Variants in ANXA6 observed in about 807,000 individuals in gnomAD.
The protein encoded by ANXA6 is annexin A6, also known as 67 kDa calelectrin.
A neutral mutation model predicts 95.4 loss-of-function variants in ANXA6; 71 were observed. That is an observed-to-expected ratio of 0.74 (90% CI 0.61 to 0.91). ANXA6 has a LOEUF of 0.91. ANXA6 is among the 40% of genes least tolerant of loss of function. ANXA6 has a pLI of 0.00. For synonymous variants in ANXA6, 289 were observed against 315.9 expected (o/e 0.91, Z 0.90); for missense variants, 830 against 876.4 (o/e 0.95, Z 0.67).
In ANXA6 at chr5:151,101,329, A is replaced by AACCCC; in HGVS notation, c.*114_*118dup. On this transcript the variant is annotated 3_prime_UTR_variant, in exon 26 of 26. Transcript: ENST00000354546. ...TCCACTGAAGATAAGAGCCCAACCC[A>AACCCC]ACCCCTCCCCCCACCCCTGCCCCTT... is the stretch of plus-strand genomic sequence containing the variant. The AACCCC allele has an allele frequency of 2.5e-6, 1 of 401,590 alleles. No individual in the cohort carries two copies. Among genetic ancestry groups the AACCCC allele is most frequent in the South Asian group, 1.9e-5 (1 of 54,050 alleles). The allele number at this position is 401,590 out of a possible 1,614,324, so 24.9% of individuals were successfully genotyped here.
intron 1 of ANXA6, among the ~76,000 whole-genome samples, chr5:151,152,418 G>A (rs775283774): frequency 1.6e-4 from 25 of 152,300 alleles, no homozygotes; most frequent in South Asian, 4.1e-4. Context: ...TGCAAATTCC[G>A]AGCTCAGTAA....
rs1160387620 is a variant in ANXA6, at chr5:151,140,229, C to T, written c.33G>A (p.Arg11=). 6.2e-7 allele frequency: 1 copy of T among 1,613,874 alleles called. No homozygotes were observed. The highest frequency in any genetic ancestry group is 1.1e-5 in the South Asian group (1 of 91,074). The part of the protein sequence containing the change: MAKPAQGAKY[R]GSIHDFPGFD... Reference sequence around the variant, plus strand: ...AGCCTGGGAAGTCATGGATGGAGCCCCGGTACTTGGCACCCTGTGGAGAAA... The same window carrying T: ...AGCCTGGGAAGTCATGGATGGAGCCTCGGTACTTGGCACCCTGTGGAGAAA... The change falls in exon 3 of 26, where the codon CGG becomes CGA. Residue 11 remains arginine, a synonymous_variant. Coordinates refer to ENST00000354546, the MANE Select transcript of ANXA6 (RefSeq NM_001155.5).
chr5:151,139,845 C>A (rs942159423), intron 3 of ANXA6, among the ~76,000 whole-genome samples: 1 of 152,158 alleles, frequency 6.6e-6, no homozygotes, highest in East Asian at 1.9e-4. Context: ...ATTGTGGCTG[C>A]CTCTGGGCAA....
intron 18 of ANXA6, among the ~76,000 whole-genome samples, chr5:151,118,374 A>ACCTCAGTCTCCTGAGTAG (rs982636441): frequency 1.3e-5 from 2 of 151,062 alleles, no homozygotes; most frequent in African/African-American, 4.9e-5. Context: ...TGATCCTCCC[A>ACCTCAGTCTCCTGAGTAG]CCTCAGTCTC....
chr5:151,149,641 C>A (rs1043795920), intron 1 of ANXA6, among the ~76,000 whole-genome samples: 1 of 152,098 alleles, frequency 6.6e-6, no homozygotes, highest in Non-Finnish European at 1.5e-5. Flanking sequence ...TGCACGGCAC[C>A]ACACCTGGCT....
At chr5:151,140,014 T>C (rs1489222283) in intron 3 of ANXA6, 139 bp downstream of exon 3, 1 of 572,660 alleles carries the variant, frequency 1.7e-6, no homozygotes, top group Non-Finnish European at 3.0e-6. Flanking sequence ...ATCATGAAAA[T>C]TAATAAAAAG....
At chr5:151,127,404 G>A (rs1257078195) in intron 13 of ANXA6, among the ~76,000 whole-genome samples, 2 of 152,168 alleles carry the variant, frequency 1.3e-5, no homozygotes, top group Non-Finnish European at 2.9e-5. Flanking sequence ...CTGGGAAGAG[G>A]CCCCCAGGCC....
intron 25 of ANXA6, 129 bp downstream of exon 25, chr5:151,103,441 A>G: frequency 1.2e-6 from 1 of 820,872 alleles, no homozygotes; most frequent in African/African-American, 1.8e-5. Context: ...ACCCCCTTTC[A>G]TTTCAATATC....
intron 25 of ANXA6, 109 bp downstream of exon 25, chr5:151,103,461 C>T (rs1163340152): frequency 9.1e-7 from 1 of 1,098,202 alleles, no homozygotes; most frequent in Non-Finnish European, 1.3e-6. Flanking sequence ...CCTGGCTGTT[C>T]TAAGCGGTAA....
At chr5:151,154,411 C>T (rs1217048402) in intron 1 of ANXA6, among the ~76,000 whole-genome samples, 1 of 151,630 alleles carries the variant, frequency 6.6e-6, no homozygotes, top group African/African-American at 2.4e-5. Flanking sequence ...TAAAATATGA[C>T]ATTAAAAGTA....
At chr5:151,156,655 G>C (rs1766244854) in intron 1 of ANXA6, among the ~76,000 whole-genome samples, 1 of 152,074 alleles carries the variant, frequency 6.6e-6, no homozygotes, top group Non-Finnish European at 1.5e-5. Flanking sequence ...AGACCCACTA[G>C]AATCTAGGGA....
At chr5:151,132,818 G>A (rs1328628873) in intron 9 of ANXA6, among the ~76,000 whole-genome samples, 1 of 151,920 alleles carries the variant, frequency 6.6e-6, no homozygotes, top group Non-Finnish European at 1.5e-5. Flanking sequence ...TGAGATGGAA[G>A]GCCAAGCATC....
At chr5:151,110,768 C>G (rs1764827070) in intron 20 of ANXA6, 124 bp from the exon 21 acceptor site, 1 of 1,010,172 alleles carries the variant, frequency 9.9e-7, no homozygotes, top group Non-Finnish European at 1.5e-6. Flanking sequence ...GGAGAGGTCC[C>G]AAGAGACCTG....
intron 2 of ANXA6, chr5:151,141,787 G>T: frequency 1.1e-6 from 1 of 895,196 alleles, no homozygotes; most frequent in Non-Finnish European, 1.3e-6. Flanking sequence ...ACGCCCCTGG[G>T]CAGAGACTTA....
intron 21 of ANXA6, 64 bp downstream of exon 21, chr5:151,110,563 G>T: frequency 6.4e-7 from 1 of 1,570,286 alleles, no homozygotes; most frequent in Non-Finnish European, 8.8e-7. Context: ...TGCCCCGCTC[G>T]GCCCAGTAAA....
chr5:151,124,477 G>A (rs892039825), intron 14 of ANXA6, 110 bp from the exon 15 acceptor site: 64 of 983,122 alleles, frequency 6.5e-5, no homozygotes, highest in South Asian at 1.9e-4. Flanking sequence ...CAAACCAAGC[G>A]GCGTGGGTGG....
chr5:151,115,658 C>A (rs544774851), intron 20 of ANXA6, among the ~76,000 whole-genome samples: 1 of 152,200 alleles, frequency 6.6e-6, no homozygotes, highest in South Asian at 2.1e-4. Context: ...ACTTAATAAA[C>A]GTCTGTTGAA....
intron 2 of ANXA6, chr5:151,141,424 A>T: frequency 2.5e-6 from 2 of 785,710 alleles, no homozygotes; most frequent in Non-Finnish European, 3.1e-6. Flanking sequence ...TAAATACATT[A>T]AGACAAAAAT....
intron 22 of ANXA6, among the ~76,000 whole-genome samples, chr5:151,109,047 G>A (rs1454784286): frequency 3.3e-5 from 5 of 152,120 alleles, no homozygotes; most frequent in African/African-American, 9.7e-5. Context: ...CAATCATCTC[G>A]GGTAGAGCTA....
Sources: gnomAD v4.1 joint callset for allele counts (sites outside exome capture counted in the v4.1 genomes callset) on GRCh38, gnomAD v4.1.1 for gene constraint, MANE v1.5 for transcripts, NCBI Gene and HGNC (gene_info 2026-07-23, HGNC 2026-07-21) for gene names.